Variants in VGLL4 observed in about 807,000 individuals in gnomAD.
VGLL4 encodes transcription cofactor vestigial-like protein 4.
Under a neutral mutation model 21.0 loss-of-function variants are expected in VGLL4, and 7 were observed. That is an observed-to-expected ratio of 0.33 (90% CI 0.19 to 0.63). VGLL4 has a LOEUF of 0.63. VGLL4 is among the 20% of genes least tolerant of loss of function. The pLI is 0.78. For synonymous variants in VGLL4, 222 were observed against 173.2 expected (o/e 1.28, Z -2.21); for missense variants, 394 against 425.7 (o/e 0.93, Z 0.66).
intron 1 of VGLL4, among the ~76,000 whole-genome samples, chr3:11,638,962 C>T (rs1224446450): frequency 6.6e-6 from 1 of 152,202 alleles, no homozygotes; most frequent in Non-Finnish European, 1.5e-5. Context: ...GTGCCTAAAA[C>T]AATGAACCGT....
intron 1 of VGLL4, among the ~76,000 whole-genome samples, chr3:11,703,675 A>G (rs1279937080): frequency 6.6e-6 from 1 of 152,216 alleles, no homozygotes; most frequent in Non-Finnish European, 1.5e-5. Flanking sequence ...TAAAACAGCA[A>G]AAGATTTAAA....
intron 2 of VGLL4, among the ~76,000 whole-genome samples, chr3:11,579,697 C>G (rs977222835): frequency 6.6e-6 from 1 of 152,018 alleles, no homozygotes; most frequent in Non-Finnish European, 1.5e-5. Flanking sequence ...TCAGAAGCAC[C>G]CTCCCCCCCA....
intron 2 of VGLL4, among the ~76,000 whole-genome samples, chr3:11,682,378 C>T: frequency 7.2e-6 from 1 of 138,630 alleles, no homozygotes; most frequent in African/African-American, 2.7e-5. Context: ...GCACTCCAGC[C>T]CGGGTGACAG....
intron 1 of VGLL4, among the ~76,000 whole-genome samples, chr3:11,617,687 A>G (rs2075188272): frequency 6.6e-6 from 1 of 152,172 alleles, no homozygotes; most frequent in Non-Finnish European, 1.5e-5. Flanking sequence ...AACTCTCTCA[A>G]TGTTGACCCT....
intron 2 of VGLL4, among the ~76,000 whole-genome samples, chr3:11,594,695 G>C (rs144045826): frequency 6.6e-6 from 1 of 152,202 alleles, no homozygotes; most frequent in African/African-American, 2.4e-5. Flanking sequence ...TAAAATGCAC[G>C]AGGTCATCCA....
At chr3:11,649,139 C>T (rs1332723280) in intron 2 of VGLL4, among the ~76,000 whole-genome samples, 3 of 152,104 alleles carry the variant, frequency 2.0e-5, no homozygotes, top group South Asian at 2.1e-4. Context: ...GCATTAAAAC[C>T]GTGGCTTATC....
At chr3:11,604,099 G>C (rs554874707) in intron 1 of VGLL4, among the ~76,000 whole-genome samples, 3 of 152,326 alleles carry the variant, frequency 2.0e-5, no homozygotes, top group East Asian at 1.9e-4. Flanking sequence ...ACCCACGGGT[G>C]GGGGTGGGAC....
At chr3:11,558,888 T>G in intron 4 of VGLL4, 61 bp from the exon 5 acceptor site, 14 of 1,574,650 alleles carry the variant, frequency 8.9e-6, no homozygotes, top group African/African-American at 1.3e-5. Context: ...ACAGGCACGG[T>G]TGCAGCACCC....
intron 1 of VGLL4, among the ~76,000 whole-genome samples, chr3:11,627,802 C>CT: frequency 6.6e-6 from 1 of 152,108 alleles, no homozygotes; most frequent in African/African-American, 2.4e-5. Context: ...ACTATAAACT[C>CT]AACAGAAATT....
chr3:11,578,741 A>G (rs571858778), intron 2 of VGLL4, among the ~76,000 whole-genome samples: 5 of 105,802 alleles, frequency 4.7e-5, no homozygotes, highest in South Asian at 2.8e-4. Flanking sequence ...CATCTACTGT[A>G]TATTTTCTTT....
chr3:11,596,300 G>A (rs2074638041), intron 2 of VGLL4, among the ~76,000 whole-genome samples: 1 of 152,142 alleles, frequency 6.6e-6, no homozygotes, highest in South Asian at 2.1e-4. Context: ...ACAATACTGA[G>A]GAGAAAAGGG....
intron 2 of VGLL4, among the ~76,000 whole-genome samples, chr3:11,583,232 G>A (rs1289703061): frequency 6.6e-6 from 1 of 152,170 alleles, no homozygotes; most frequent in Non-Finnish European, 1.5e-5. Flanking sequence ...AGTAAACTCT[G>A]ATCAACCAGA....
At chr3:11,590,826 A>G (rs1171608998) in intron 2 of VGLL4, among the ~76,000 whole-genome samples, 2 of 152,178 alleles carry the variant, frequency 1.3e-5, no homozygotes, top group East Asian at 1.9e-4. Flanking sequence ...TCCAGCTGCC[A>G]TGTGACACAA....
chr3:11,703,086 C>T, intron 1 of VGLL4: 1 of 1,545,730 alleles, frequency 6.5e-7, no homozygotes, highest in Non-Finnish European at 8.8e-7. Flanking sequence ...ATAATTTAAA[C>T]AGAATTCAAA....
At chr3:11,671,311 G>T in intron 2 of VGLL4, 1 of 1,554,966 alleles carries the variant, frequency 6.4e-7, no homozygotes, top group Non-Finnish European at 8.8e-7. Flanking sequence ...AGGACTCAGG[G>T]ATTTTGTCAA....
intron 1 of VGLL4, among the ~76,000 whole-genome samples, chr3:11,637,166 A>G (rs2075604667): frequency 6.6e-6 from 1 of 152,154 alleles, no homozygotes; most frequent in Non-Finnish European, 1.5e-5. Flanking sequence ...GAGGGATCTG[A>G]TCAAAAGATA....
intron 2 of VGLL4, among the ~76,000 whole-genome samples, chr3:11,676,373 T>C (rs1208748112): frequency 4.0e-5 from 6 of 149,264 alleles, no homozygotes; most frequent in Non-Finnish European, 8.8e-5. Context: ...CCAGCCTGGG[T>C]GACAGAGCGA....
rs57146024 is a variant in VGLL4 at position 11,575,447 on chromosome 3, G to T, written c.273-10428C>A. 9.0e-3 allele frequency among the ~76,000 whole-genome samples: 1,364 copies of T among 152,308 alleles called. 120 individuals carry two copies. The East Asian group carries it at 0.18, about 20-fold the overall frequency. On this transcript the variant is annotated intron_variant, in intron 2 of 4. Coordinates refer to ENST00000430365, the MANE Select transcript of VGLL4 (RefSeq NM_001128219.3). Reference sequence around the variant, plus strand: ...AGCTCAGCTGGAATGTGCATCGTGTGTGAGTCTGCCCCTCTCTCTCCTTGA... The same window carrying T: ...AGCTCAGCTGGAATGTGCATCGTGTTTGAGTCTGCCCCTCTCTCTCCTTGA...
At chr3:11,621,761 A>G (rs2075270679) in intron 1 of VGLL4, among the ~76,000 whole-genome samples, 1 of 152,156 alleles carries the variant, frequency 6.6e-6, no homozygotes. Context: ...AAACAGCTAC[A>G]CCATTTTACA....
Sources: gnomAD v4.1 joint callset for allele counts (sites outside exome capture counted in the v4.1 genomes callset) on GRCh38, gnomAD v4.1.1 for gene constraint, MANE v1.5 for transcripts, NCBI Gene and HGNC (gene_info 2026-07-23, HGNC 2026-07-21) for gene names.